FOXP1: variants seen among roughly 807,000 people sequenced by gnomAD.
The protein encoded by FOXP1 is forkhead box protein P1.
A neutral mutation model predicts 98.2 loss-of-function variants in FOXP1; 15 were observed. That is an observed-to-expected ratio of 0.15 (90% CI 0.10 to 0.24). The LOEUF (loss-of-function observed/expected upper bound fraction) is 0.24. Ranked by LOEUF, FOXP1 falls within the 10% of genes least tolerant of loss-of-function variation. The pLI is 1.00. For synonymous variants in FOXP1, 371 were observed against 314.5 expected, an observed-to-expected ratio of 1.18 and a Z score of -1.90; for missense variants, 633 against 848.5, an observed-to-expected ratio of 0.75 and a Z score of 3.15.
intron 5 of FOXP1, among the ~76,000 whole-genome samples, chr3:71,235,973 T>G (rs981531743): frequency 5.3e-5 from 8 of 152,204 alleles, no homozygotes; most frequent in Admixed American, 5.2e-4. Flanking sequence ...ATGCATCTAT[T>G]TACCTAAGAC....
chr3:71,278,781 C>T (rs1044308393), intron 5 of FOXP1, among the ~76,000 whole-genome samples: 3 of 151,806 alleles, frequency 2.0e-5, no homozygotes, highest in Non-Finnish European at 2.9e-5. Context: ...GACTCCATCT[C>T]GAAAACAAAC....
intron 3 of FOXP1, among the ~76,000 whole-genome samples, chr3:71,407,610 T>C (rs544391637): frequency 3.3e-5 from 5 of 152,138 alleles, no homozygotes; most frequent in Non-Finnish European, 7.3e-5. Flanking sequence ...CAATACTCCC[T>C]TCGGAAAGGC....
intron 3 of FOXP1, among the ~76,000 whole-genome samples, chr3:71,486,805 A>AT (rs1157009994): frequency 1.3e-5 from 2 of 152,168 alleles, no homozygotes; most frequent in African/African-American, 4.8e-5. Flanking sequence ...AAAACAGAAT[A>AT]TTTTCAAAAA....
chr3:71,550,420 C>G (rs7640614), intron 2 of FOXP1, among the ~76,000 whole-genome samples: 44,303 of 152,082 alleles, frequency 0.29, 7,676 homozygotes, highest in Non-Finnish European at 0.39. Context: ...GTTCTTATCT[C>G]ACTGAGGCCT....
intron 2 of FOXP1, among the ~76,000 whole-genome samples, chr3:71,561,452 G>C (rs1486997831): frequency 1.3e-5 from 2 of 148,988 alleles, no homozygotes; most frequent in Non-Finnish European, 3.0e-5. Context: ...CTATGGCCAA[G>C]GTCCCTAGTC....
chr3:71,084,019 G>T (rs1395839138), intron 7 of FOXP1, among the ~76,000 whole-genome samples: 1 of 152,134 alleles, frequency 6.6e-6, no homozygotes, highest in Non-Finnish European at 1.5e-5. Context: ...TGCAAATCTT[G>T]GTTCATCTGA....
intron 5 of FOXP1, among the ~76,000 whole-genome samples, chr3:71,261,848 G>A (rs542749761): frequency 1.1e-4 from 16 of 152,090 alleles, no homozygotes; most frequent in Admixed American, 1.3e-4. Flanking sequence ...TGGAATAGTC[G>A]ACATTTTCCA....
intron 2 of FOXP1, among the ~76,000 whole-genome samples, chr3:71,570,002 T>C (rs2107796642): frequency 6.6e-6 from 1 of 152,228 alleles, no homozygotes; most frequent in East Asian, 1.9e-4. Flanking sequence ...GGTCTGGATC[T>C]CCTGACCTCG....
intron 2 of FOXP1, among the ~76,000 whole-genome samples, chr3:71,494,533 C>T (rs2091277507): frequency 6.6e-6 from 1 of 152,156 alleles, no homozygotes; most frequent in Non-Finnish European, 1.5e-5. Context: ...AGCATCCCGG[C>T]GGCTGGCAGC....
At chr3:70,979,494 C>CTGTT (rs1383475374) in intron 14 of FOXP1, among the ~76,000 whole-genome samples, 1 of 151,960 alleles carries the variant, frequency 6.6e-6, no homozygotes, top group African/African-American at 2.4e-5. Flanking sequence ...GTATGTATTA[C>CTGTT]TGTTTATGTG....
intron 4 of FOXP1, among the ~76,000 whole-genome samples, chr3:71,349,091 T>C (rs1038614790): frequency 6.6e-6 from 1 of 152,212 alleles, no homozygotes; most frequent in Admixed American, 6.5e-5. Flanking sequence ...AATATAACCA[T>C]GTGCCACTAC....
At chr3:71,449,478 T>C (rs930965038) in intron 3 of FOXP1, among the ~76,000 whole-genome samples, 1 of 152,182 alleles carries the variant, frequency 6.6e-6, no homozygotes, top group Non-Finnish European at 1.5e-5. Context: ...AACACATCTT[T>C]CCTTTAAAAC....
chr3:71,202,820 T>C (rs907067350), intron 5 of FOXP1, among the ~76,000 whole-genome samples: 1 of 152,216 alleles, frequency 6.6e-6, no homozygotes, highest in African/African-American at 2.4e-5. Flanking sequence ...TGCACTATTT[T>C]GCAAACAACT....
chr3:71,431,021 C>T (rs186029492), intron 3 of FOXP1, among the ~76,000 whole-genome samples: 112 of 152,266 alleles, frequency 7.4e-4, no homozygotes, highest in Non-Finnish European at 1.2e-3. Context: ...TGCAACAAAG[C>T]ATTTAGAAGG....
intron 7 of FOXP1, among the ~76,000 whole-genome samples, chr3:71,061,590 T>A (rs948940947): frequency 8.5e-5 from 13 of 152,192 alleles, no homozygotes; most frequent in Non-Finnish European, 1.6e-4. Context: ...AATGCATATT[T>A]TAAAATGTAA....
chr3:71,450,524 G>A (rs1213907364), intron 3 of FOXP1, among the ~76,000 whole-genome samples: 1 of 152,188 alleles, frequency 6.6e-6, no homozygotes, highest in Non-Finnish European at 1.5e-5. Flanking sequence ...AGTGTGTTAG[G>A]ATGTGTGAAC....
intron 5 of FOXP1, among the ~76,000 whole-genome samples, chr3:71,203,662 T>C (rs1313231776): frequency 6.6e-6 from 1 of 152,206 alleles, no homozygotes; most frequent in African/African-American, 2.4e-5. Flanking sequence ...CAATTATTTA[T>C]ATGAAGCAGA....
chr3:71,383,038 G>A (rs1265936187), intron 3 of FOXP1, among the ~76,000 whole-genome samples: 1 of 152,200 alleles, frequency 6.6e-6, no homozygotes, highest in Non-Finnish European at 1.5e-5. Flanking sequence ...CAGAGTTTTT[G>A]TAACACCAAG....
intron 4 of FOXP1, among the ~76,000 whole-genome samples, chr3:71,323,119 C>T (rs1477476157): frequency 6.6e-6 from 1 of 152,016 alleles, no homozygotes. Flanking sequence ...TACAGACATG[C>T]ACCACCACGT....
Sources: allele counts gnomAD v4.1 joint callset (sites outside exome capture counted in the v4.1 genomes callset), GRCh38; gene constraint gnomAD v4.1.1; transcripts MANE v1.5; gene names NCBI Gene and HGNC (gene_info 2026-07-23, HGNC 2026-07-21).